The following SLC25A48 variants were observed in gnomAD, a reference collection of about 807,000 sequenced individuals.
SLC25A48 encodes solute carrier family 25 member 48.
SLC25A48 carries 29 observed loss-of-function variants against 32.2 expected under a neutral mutation model. The observed-to-expected ratio is 0.90, with a 90% CI of 0.67 to 1.23. SLC25A48 has a LOEUF of 1.23. SLC25A48 is among the 50% of genes most tolerant of loss of function. The probability of loss-of-function intolerance (pLI) is 0.00; values close to 1 mark genes in which losing one functional copy is unlikely to be tolerated. For synonymous variants in SLC25A48, 164 were observed against 172.3 expected (o/e 0.95, Z 0.38); for missense variants, 399 against 422.7 (o/e 0.94, Z 0.49).
chr5:135,774,621 G>A (rs1756500482), intron 3 of SLC25A48, among the ~76,000 whole-genome samples: 1 of 151,668 alleles, frequency 6.6e-6, no homozygotes, highest in South Asian at 2.1e-4. Flanking sequence ...TTATCCAGAG[G>A]GAAAGATGAT....
At chr5:135,684,342 G>A (rs760109594) in intron 3 of SLC25A48, among the ~76,000 whole-genome samples, 6 of 152,000 alleles carry the variant, frequency 3.9e-5, no homozygotes, top group Non-Finnish European at 7.4e-5. Flanking sequence ...TAGCAGGTTA[G>A]TTCTAGGGAC....
chr5:135,810,685 T>C (rs1757572507), intron 3 of SLC25A48, among the ~76,000 whole-genome samples: 1 of 152,230 alleles, frequency 6.6e-6, no homozygotes, highest in African/African-American at 2.4e-5. Context: ...TCGTATTTTA[T>C]ATTGCAAGTC....
intron 3 of SLC25A48, among the ~76,000 whole-genome samples, chr5:135,788,297 A>C (rs1453238974): frequency 6.7e-6 from 1 of 150,104 alleles, no homozygotes; most frequent in Non-Finnish European, 1.5e-5. Flanking sequence ...GCCCCTTGCC[A>C]TATGGTCCGT....
chr5:135,818,053 TCCTCTCTCTCTCTCTCTCTC>T (rs1290841159), intron 4 of SLC25A48, among the ~76,000 whole-genome samples: 13 of 46,560 alleles, frequency 2.8e-4, no homozygotes, highest in African/African-American at 1.4e-3. Flanking sequence ...TTCTCTCTGT[TCCTCTCTCTCTCTCTCTCTC>T]TCTCTCTCTC....
chr5:135,605,778 T>A (rs1030615600), intron 1 of SLC25A48, among the ~76,000 whole-genome samples: 3 of 152,146 alleles, frequency 2.0e-5, no homozygotes, highest in African/African-American at 4.8e-5. Flanking sequence ...CGGGAAAATG[T>A]TTATTTATTA....
At chr5:135,852,469 G>A in intron 3 of SLC25A48, 94 bp from the exon 4 acceptor site, 1 of 1,419,956 alleles carries the variant, frequency 7.0e-7, no homozygotes, top group Non-Finnish European at 9.6e-7. Flanking sequence ...TGGACACATG[G>A]GCAGATGTGT....
At chr5:135,795,929 A>G (rs1190767444) in intron 3 of SLC25A48, among the ~76,000 whole-genome samples, 1 of 137,156 alleles carries the variant, frequency 7.3e-6, no homozygotes, top group Non-Finnish European at 1.5e-5. Flanking sequence ...TACTCCCCAT[A>G]TCGTGGGGGG....
In SLC25A48 at chr5:135,713,099, A is replaced by G. The variant is rs143872142; in HGVS notation, c.-521+78143A>G. Reference sequence around the variant, plus strand: ...AACCTAAGAACTTGCTATGCAATATATGTTCCCCAGGCCAGTAGCAGTGCC... The same window carrying G: ...AACCTAAGAACTTGCTATGCAATATGTGTTCCCCAGGCCAGTAGCAGTGCC... On this transcript the variant is annotated intron_variant, in intron 3 of 10. Transcript: ENST00000646290. Among the ~76,000 whole-genome samples the G allele has an allele frequency of 5.1e-3, 782 of 152,300 alleles. 4 individuals are homozygous for G. Among genetic ancestry groups the G allele is most frequent in the African/African-American group, 0.018 (749 of 41,556 alleles).
chr5:135,597,177 A>T (rs1435048663), intron 1 of SLC25A48, among the ~76,000 whole-genome samples: 1 of 152,246 alleles, frequency 6.6e-6, no homozygotes, highest in African/African-American at 2.4e-5. Flanking sequence ...TTTACAGCTC[A>T]TAGAGTAGTG....
At chr5:135,591,917 CCTAAG>C (rs1751536969) in intron 1 of SLC25A48, among the ~76,000 whole-genome samples, 1 of 152,186 alleles carries the variant, frequency 6.6e-6, no homozygotes, top group African/African-American at 2.4e-5. Flanking sequence ...GAGCGGAGAA[CCTAAG>C]CTAAGCAGCT....
rs541611123 is a variant in SLC25A48 at position 135,774,551 on chromosome 5, A to G, written c.-520-37972A>G. Among the ~76,000 whole-genome samples, 9 of 151,918 alleles carry G rather than the reference A, an allele frequency of 5.9e-5. No individual in the cohort carries two copies. In the East Asian group the frequency reaches 1.7e-3, roughly 29 times the overall value. On this transcript the variant is annotated intron_variant, in intron 3 of 10. Coordinates refer to the SLC25A48 transcript ENST00000646290. ...TATTTTCTAATATCCAGGGAGGGAGAGAATGATATTACTCTGAATATCACA... is the reference window on the plus strand; with the variant it reads ...TATTTTCTAATATCCAGGGAGGGAGGGAATGATATTACTCTGAATATCACA...
chr5:135,849,518 CCA>C (rs1759667676), intron 2 of SLC25A48, among the ~76,000 whole-genome samples: 1 of 152,180 alleles, frequency 6.6e-6, no homozygotes, highest in Admixed American at 6.5e-5. Flanking sequence ...TCAGAGGCCA[CCA>C]CACATTAGCC....
chr5:135,630,286 C>T (rs1385453409), intron 2 of SLC25A48, among the ~76,000 whole-genome samples: 2 of 152,122 alleles, frequency 1.3e-5, no homozygotes, highest in Admixed American at 6.5e-5. Flanking sequence ...AGGAGGCCTC[C>T]TTGAAAGGTT....
At position 135,606,302 on chromosome 5, in the gene SLC25A48, A is replaced by T. The variant is rs147215266; in HGVS notation, c.-848-22935A>T. On this transcript the variant is annotated intron_variant, in intron 1 of 10. Transcript: ENST00000646290. ...TTAACTTGAGTCAAACCTGAAGTTA[A>T]TTTGAGACCCCAGAAATGATAATAG... Among the ~76,000 whole-genome samples the T allele has an allele frequency of 3.2e-3, 481 of 152,340 alleles. 1 individual carries two copies. The highest frequency in any genetic ancestry group is 0.011 in the African/African-American group (456 of 41,560).
chr5:135,709,212 G>T (rs535461288), intron 3 of SLC25A48, among the ~76,000 whole-genome samples: 87 of 152,326 alleles, frequency 5.7e-4, no homozygotes, highest in African/African-American at 2.0e-3. Flanking sequence ...GCATTGTCCT[G>T]CTGCCCACTG....
At chr5:135,687,680 T>G (rs1754047145) in intron 3 of SLC25A48, among the ~76,000 whole-genome samples, 1 of 152,130 alleles carries the variant, frequency 6.6e-6, no homozygotes, top group Non-Finnish European at 1.5e-5. Flanking sequence ...AAACAGACAT[T>G]GTTTTCCTGG....
chr5:135,820,730 C>T (rs1414562660), intron 4 of SLC25A48, among the ~76,000 whole-genome samples: 1 of 152,150 alleles, frequency 6.6e-6, no homozygotes, highest in African/African-American at 2.4e-5. Flanking sequence ...TCTTAAGTGA[C>T]GTTGAGTCGA....
chr5:135,850,989 A>G (rs1198281091), intron 3 of SLC25A48, among the ~76,000 whole-genome samples: 2 of 152,210 alleles, frequency 1.3e-5, no homozygotes, highest in African/African-American at 4.8e-5. Flanking sequence ...TAGAAGATGC[A>G]TCAGGCTCCC....
At chr5:135,741,427 T>C (rs13174552) in intron 3 of SLC25A48, among the ~76,000 whole-genome samples, 36,939 of 152,108 alleles carry the variant, frequency 0.24, 4,940 homozygotes, top group East Asian at 0.45. Flanking sequence ...TGTTGGTACT[T>C]AGGTACTAAT....
Sources: gnomAD v4.1 joint callset for allele counts (sites outside exome capture counted in the v4.1 genomes callset) on GRCh38, gnomAD v4.1.1 for gene constraint, MANE v1.5 for transcripts, NCBI Gene and HGNC (gene_info 2026-07-23, HGNC 2026-07-21) for gene names.